Variants in C2CD3 observed in about 807,000 individuals in gnomAD.
The protein encoded by C2CD3 is C2 domain containing 3 centriole elongation regulator.
A neutral mutation model predicts 234.0 loss-of-function variants in C2CD3; 148 were observed. The ratio of observed to expected loss-of-function variants is 0.63; its 90% CI spans 0.55 to 0.72. The LOEUF is 0.72. C2CD3 is among the 30% of genes least tolerant of loss of function. The probability of loss-of-function intolerance (pLI) is 0.00; values close to 1 mark genes in which losing one functional copy is unlikely to be tolerated. For synonymous variants in C2CD3, 1,000 were observed against 1,035.4 expected (o/e 0.97, Z 0.66); for missense variants, 2,577 against 2,811.5 (o/e 0.92, Z 1.89).
At chr11:74,032,541 T>C (rs529014383) in intron 31 of C2CD3, among the ~76,000 whole-genome samples, 1 of 152,288 alleles carries the variant, frequency 6.6e-6, no homozygotes, top group South Asian at 2.1e-4. Flanking sequence ...TCCATCTCCA[T>C]GGTGCCTGTT....
chr11:74,069,439 T>A (rs531822596), intron 24 of C2CD3, among the ~76,000 whole-genome samples: 1 of 152,332 alleles, frequency 6.6e-6, no homozygotes, highest in East Asian at 1.9e-4. Context: ...TTTAAGAATT[T>A]TATGCATCAA....
At chr11:74,146,138 T>C (rs1333359357) in intron 3 of C2CD3, among the ~76,000 whole-genome samples, 1 of 152,148 alleles carries the variant, frequency 6.6e-6, no homozygotes, top group Non-Finnish European at 1.5e-5. Context: ...TTTAAGTAAA[T>C]AATGAGTGGT....
intron 24 of C2CD3, among the ~76,000 whole-genome samples, chr11:74,072,552 A>G (rs185364614): frequency 1.5e-3 from 236 of 152,336 alleles, no homozygotes; most frequent in Non-Finnish European, 2.1e-3. Flanking sequence ...ACATCTGAAC[A>G]TTGTTAATCA....
chr11:74,043,280 A>G (rs1455341477), intron 28 of C2CD3, among the ~76,000 whole-genome samples: 1 of 152,204 alleles, frequency 6.6e-6, no homozygotes, highest in Non-Finnish European at 1.5e-5. Flanking sequence ...ATTTAGCATA[A>G]TGTTTTCAAG....
chr11:74,169,281 A>G (rs946985685), intron 1 of C2CD3, among the ~76,000 whole-genome samples: 3 of 152,172 alleles, frequency 2.0e-5, no homozygotes, highest in African/African-American at 4.8e-5. Flanking sequence ...TGGCTTTAGT[A>G]TTTATTGGGT....
At chr11:74,138,606 T>C in intron 5 of C2CD3, 114 bp downstream of exon 5, 1 of 823,300 alleles carries the variant, frequency 1.2e-6, no homozygotes, top group East Asian at 2.4e-5. Flanking sequence ...GACTGCCTGT[T>C]TTTATTTGAC....
chr11:74,094,424 T>C (rs1956029435), intron 17 of C2CD3, among the ~76,000 whole-genome samples: 1 of 152,202 alleles, frequency 6.6e-6, no homozygotes, highest in Non-Finnish European at 1.5e-5. Flanking sequence ...ATATTCTGTA[T>C]ATACAAATCT....
intron 21 of C2CD3, 31 bp from the exon 22 acceptor site, chr11:74,085,001 T>C: frequency 5.5e-6 from 7 of 1,283,982 alleles, no homozygotes; most frequent in Non-Finnish European, 7.9e-6. Flanking sequence ...GAAAAATTAT[T>C]TGATGGTCTA....
At chr11:74,071,161 C>T (rs1381693187) in intron 24 of C2CD3, among the ~76,000 whole-genome samples, 1 of 152,242 alleles carries the variant, frequency 6.6e-6, no homozygotes, top group Non-Finnish European at 1.5e-5. Flanking sequence ...CTGTGATCTT[C>T]ATGATGCAGC....
intron 20 of C2CD3, among the ~76,000 whole-genome samples, chr11:74,088,303 A>C (rs1955738732): frequency 6.6e-6 from 1 of 152,222 alleles, no homozygotes; most frequent in Non-Finnish European, 1.5e-5. Flanking sequence ...GAAGAAACCG[A>C]AGCTCATGGA....
chr11:74,032,012 A>G (rs1165308025), intron 31 of C2CD3, among the ~76,000 whole-genome samples: 1 of 151,932 alleles, frequency 6.6e-6, no homozygotes, highest in African/African-American at 2.4e-5. Context: ...AAATGTTTCC[A>G]CTCATTTGGT....
At chr11:74,100,815 C>G (rs903142203) in intron 14 of C2CD3, 139 bp from the exon 15 acceptor site, 5 of 679,734 alleles carry the variant, frequency 7.4e-6, no homozygotes, top group Non-Finnish European at 1.2e-5. Context: ...TCAAATAAAA[C>G]TTACTCTGTA....
At chr11:74,168,134 T>C in intron 2 of C2CD3, 2 of 519,296 alleles carry the variant, frequency 3.9e-6, no homozygotes, top group Non-Finnish European at 6.8e-6. Context: ...AGGGTTATTG[T>C]AAGGATTAGA....
intron 5 of C2CD3, among the ~76,000 whole-genome samples, chr11:74,135,954 C>A (rs1192213208): frequency 1.3e-5 from 2 of 151,960 alleles, no homozygotes; most frequent in African/African-American, 4.8e-5. Context: ...ACAATAGAAA[C>A]TGGGGACTAC....
At position 74,119,470 on chromosome 11, in the gene C2CD3, CTAATA is replaced by C. The variant is rs1013848482; in HGVS notation, c.1366-1093_1366-1089del. Reference sequence around the variant, plus strand: ...TTTTTAAAAAAAGACATAAAGCTTGCTAATATAATATAAATTCAGGACACAAACCC... The same window carrying C: ...TTTTTAAAAAAAGACATAAAGCTTGCTAATATAAATTCAGGACACAAACCC... On this transcript the variant is annotated intron_variant, in intron 8 of 32. Transcript: ENST00000334126. Among the ~76,000 whole-genome samples the C allele has an allele frequency of 3.3e-5, 5 of 151,902 alleles. 1 individual carries two copies. The highest frequency in any genetic ancestry group is 2.4e-5 in the African/African-American group (1 of 41,356).
intron 8 of C2CD3, among the ~76,000 whole-genome samples, chr11:74,121,379 C>T (rs957769320): frequency 1.3e-5 from 2 of 151,784 alleles, no homozygotes; most frequent in Middle Eastern, 3.4e-3. Flanking sequence ...GGCTGAGGTG[C>T]GCGGACCACT....
intron 20 of C2CD3, 88 bp from the exon 21 acceptor site, chr11:74,085,974 A>G (rs532106380): frequency 5.0e-5 from 66 of 1,309,664 alleles, no homozygotes; most frequent in Admixed American, 7.9e-5. Context: ...CATTACTTCT[A>G]TGAGACCACC....
At position 74,074,686 on chromosome 11, in the gene C2CD3, C is replaced by T; in HGVS notation, c.4604-86G>A. 4.6e-6 allele frequency: 5 copies of T among 1,087,292 alleles called. No homozygotes were observed. In the South Asian group the frequency reaches 8.1e-5, roughly 18 times the overall value. The allele number at this position is 1,087,292 out of a possible 1,614,324, so 67.4% of individuals were successfully genotyped here. On this transcript the variant is annotated intron_variant, in intron 23 of 32. Transcript: ENST00000334126. ...AAATACTCACTGAGGGTGCTGTGGT[C>T]CTTTCTCCTTTGAAAGGTCTACAAA...
At chr11:74,109,218 C>T in intron 11 of C2CD3, 66 bp from the exon 12 acceptor site, 2 of 752,112 alleles carry the variant, frequency 2.7e-6, no homozygotes, top group Non-Finnish European at 4.4e-6. Context: ...CAATTCATGC[C>T]TTGATACCAC....
Sources: allele counts gnomAD v4.1 joint callset (sites outside exome capture counted in the v4.1 genomes callset), GRCh38; gene constraint gnomAD v4.1.1; transcripts MANE v1.5; gene names NCBI Gene and HGNC (gene_info 2026-07-23, HGNC 2026-07-21).